NAALADL1: variants seen among roughly 807,000 people sequenced by gnomAD.
NAALADL1 encodes aminopeptidase NAALADL1.
Under a neutral mutation model 82.8 loss-of-function variants are expected in NAALADL1, and 77 were observed. The ratio of observed to expected loss-of-function variants is 0.93; its 90% CI spans 0.77 to 1.12. The LOEUF is 1.12. Ranked by LOEUF, NAALADL1 falls within the 50% of genes most tolerant of loss-of-function variation. The pLI is 0.00. For missense variants in NAALADL1, 956 were observed against 964.0 expected (o/e 0.99, Z 0.11); for synonymous variants, 358 against 399.2 (o/e 0.90, Z 1.23).
intron 4 of NAALADL1, 151 bp downstream of exon 4, chr11:65,057,220 C>T (rs769746974): frequency 3.9e-5 from 47 of 1,196,188 alleles, no homozygotes; most frequent in Non-Finnish European, 5.0e-5. Context: ...GGTGGGACAA[C>T]CCGAAAACAC....
intron 17 of NAALADL1, 104 bp downstream of exon 17, chr11:65,045,718 G>T (rs1044149694): frequency 1.7e-6 from 2 of 1,149,374 alleles, no homozygotes; most frequent in African/African-American, 3.1e-5. Context: ...TCAGGGGCTG[G>T]GTTGCACTCT....
chr11:65,044,975 G>A lies in NAALADL1; in HGVS notation c.*296C>T. On this transcript the variant is annotated 3_prime_UTR_variant, in exon 18 of 18. Transcript: ENST00000358658. The surrounding 1 kb of genome is among the most constrained non-coding windows in gnomAD (Gnocchi z 4.0). ...GTCCTTGGCCTTGATGACCTGAGTT[G>A]GCATCTGAGGTTGGCACGCATCCCA... 2 of 618,360 alleles carry A rather than the reference G, an allele frequency of 3.2e-6. No individual in the cohort carries two copies. The highest frequency in any genetic ancestry group is 5.6e-6 in the Non-Finnish European group (2 of 358,568). The allele number at this position is 618,360 out of a possible 1,614,324, so 38.3% of individuals were successfully genotyped here.
intron 11 of NAALADL1, 49 bp downstream of exon 11, chr11:65,047,932 C>T: frequency 2.0e-6 from 3 of 1,511,118 alleles, no homozygotes; most frequent in Non-Finnish European, 2.7e-6. Flanking sequence ...GTCCGCCGCA[C>T]GCGGCCCGCC....
chr11:65,049,217 G>C (rs530502732), intron 8 of NAALADL1, among the ~76,000 whole-genome samples: 88 of 152,204 alleles, frequency 5.8e-4, no homozygotes, highest in African/African-American at 2.0e-3. Context: ...GATGGGGTTT[G>C]TCCATGTTGC....
intron 4 of NAALADL1, among the ~76,000 whole-genome samples, chr11:65,056,129 C>A (rs1291700215): frequency 2.6e-5 from 4 of 152,068 alleles, no homozygotes; most frequent in South Asian, 2.1e-4. Flanking sequence ...AGGTAATCCA[C>A]CTGCCTTGGC....
chr11:65,045,435 T>C lies in NAALADL1; in HGVS notation c.2059A>G (p.Thr687Ala). 6.2e-7 allele frequency: 1 copy of C among 1,610,860 alleles called. No individual in the cohort carries two copies. Among genetic ancestry groups the C allele is most frequent in the South Asian group, 1.1e-5 (1 of 90,724 alleles). Residue 687 changes from threonine (T) to alanine (A), a missense_variant, in exon 18 of 18, where the codon ACG becomes GCG. By Grantham distance (58) the Thr-to-Ala change is moderately conservative. Coordinates refer to ENST00000358658, the MANE Select transcript of NAALADL1 (RefSeq NM_005468.3). ...CCCGGGAATGTGACTACGGAGCCCG[T>C]GCGAGGTGCCCAGAGCACATGGCTG... ...YYSHVLWAPR[T>A]GSVVTFPGLS...
At position 65,058,460 on chromosome 11, in the gene NAALADL1, A is replaced by T; in HGVS notation, c.62T>A (p.Ile21Asn). The change falls in exon 1 of 18, where the codon ATC (isoleucine) becomes AAC (asparagine). Residue 21 changes from isoleucine (I) to asparagine (N), a missense_variant. Transcript: ENST00000358658. ...GGGGATGGCAAAGTGGCCGAGGATG[A>T]TCCCCAGCCCCAAGAGGGCAGCAGC... is the stretch of plus-strand genomic sequence containing the variant. ...LGAAALLGLG[I>N]ILGHFAIPKK... is the part of the protein sequence containing the mutation. 6.2e-7 allele frequency: 1 copy of T among 1,613,712 alleles called. No individual in the cohort carries two copies. Among genetic ancestry groups the T allele is most frequent in the South Asian group, 1.1e-5 (1 of 91,044 alleles).
Position 65,046,183 on chromosome 11 carries a change from G to A in NAALADL1, c.1855+6C>T. The A allele has an allele frequency of 6.2e-7, 1 of 1,614,108 alleles. No individual in the cohort carries two copies. Among genetic ancestry groups the A allele is most frequent in the East Asian group, 2.2e-5 (1 of 44,886 alleles). On this transcript the variant is annotated splice_donor_region_variant and intron_variant, in intron 15 of 17. Transcript: ENST00000358658. ...CCCCATACCTCAGGGTCAGGGCTGT[G>A]CATACCCAGGCTGATGCTGTGCTGC...
rs1350242232 is a variant in NAALADL1, at chr11:65,046,121, G to A, written c.1856-7C>T. 6.2e-7 allele frequency: 1 copy of A among 1,614,158 alleles called. No individual in the cohort carries two copies. Among genetic ancestry groups the A allele is most frequent in the Non-Finnish European group, 8.5e-7 (1 of 1,180,038 alleles). On this transcript the variant is annotated splice_region_variant and splice_polypyrimidine_tract_variant and intron_variant, in intron 15 of 17. Transcript: ENST00000358658. The stretch of plus-strand genomic sequence containing the variant: ...ACTGCAGTCACCAGAGGCCCTGTGA[G>A]GAACAAGCAGTGGCTCAGTCATGGG...
chr11:65,058,295 G>A lies in NAALADL1; in HGVS notation c.185+42C>T, dbSNP rs1947104444. ...AGGGGCAGGGCCAGCATCAGGGAGGGGGCCTCTGGCAAACGGAGGAGCAGA... is the reference window on the plus strand; with the variant it reads ...AGGGGCAGGGCCAGCATCAGGGAGGAGGCCTCTGGCAAACGGAGGAGCAGA... On this transcript the variant is annotated intron_variant, in intron 1 of 17. Transcript: ENST00000358658. 5 of 1,613,908 alleles carry A rather than the reference G, an allele frequency of 3.1e-6. No homozygotes were observed. The East Asian group carries it at 1.1e-4, about 36-fold the overall frequency.
chr11:65,050,072 TAC>T (rs1946845302), intron 8 of NAALADL1, among the ~76,000 whole-genome samples: 1 of 151,398 alleles, frequency 6.6e-6, no homozygotes. Context: ...GATGGGGTTT[TAC>T]CACGTTGGCC....
chr11:65,047,989 T>C lies in NAALADL1; in HGVS notation c.1408A>G (p.Thr470Ala). The C allele has an allele frequency of 1.3e-6, 2 of 1,572,086 alleles. 1 individual carries two copies. The highest frequency in any genetic ancestry group is 3.4e-4 in the Middle Eastern group (2 of 5,818). Residue 470 changes from threonine (T) to alanine (A), a missense_variant, in exon 11 of 18, where the codon ACC (threonine) becomes GCC (alanine). Transcript: ENST00000358658. Reference protein sequence around the residue: ...PPVQSVVFSATKEIRSPGPGD... With the variant: ...PPVQSVVFSAAKEIRSPGPGD... Reference sequence around the variant, plus strand: ...GGCCTGCCCCCTTCCACCTCTTTGGTTGCAGAGAAGACGACGCTCTGGACA... The same window carrying C: ...GGCCTGCCCCCTTCCACCTCTTTGGCTGCAGAGAAGACGACGCTCTGGACA...
Position 65,047,533 on chromosome 11 carries a change from G to A in NAALADL1, c.1541C>T (p.Ala514Val), listed in dbSNP as rs761550788. 14 of 1,571,924 alleles carry A rather than the reference G, an allele frequency of 8.9e-6. No individual in the cohort carries two copies. The highest frequency in any genetic ancestry group is 1.2e-5 in the Non-Finnish European group (14 of 1,158,582). The change falls in exon 13 of 18, where the codon GCA (alanine) becomes GTA (valine). Residue 514 changes from alanine to valine, a missense_variant. Transcript: ENST00000358658. ...LGSLGAGSDY[A>V]PFVHFLGISS... ...GATGCCCAGGAAGTGAACGAAGGGTGCATAGTCGCTGCCAGCACCCAGAGA... is the reference window on the plus strand; with the variant it reads ...GATGCCCAGGAAGTGAACGAAGGGTACATAGTCGCTGCCAGCACCCAGAGA...
chr11:65,050,659 G>A (rs908126555), intron 8 of NAALADL1, among the ~76,000 whole-genome samples: 1 of 151,728 alleles, frequency 6.6e-6, no homozygotes, highest in Non-Finnish European at 1.5e-5. Flanking sequence ...GCGTGGTGGC[G>A]CATGCCTGTA....
In NAALADL1 at chr11:65,054,735, C is replaced by T; in HGVS notation, c.607G>A (p.Val203Met). The change falls in exon 5 of 18, where the codon GTG becomes ATG. Residue 203 changes from valine to methionine, a missense_variant. Physicochemically the swap from Val to Met is conservative, Grantham distance 21. Transcript: ENST00000358658. This position sits in a 1 kb window ranked among gnomAD's most constrained non-coding sequence, Gnocchi z 4.3. ...YGGVGRGAKAVNAAKHGVAGV... is the reference protein window; with the variant it reads ...YGGVGRGAKAMNAAKHGVAGV... The stretch of plus-strand genomic sequence containing the variant: ...GCTACCCCGTGCTTGGCAGCGTTCA[C>T]AGCCTGCAGTGGGCAGAGGAGGCTG... The T allele has an allele frequency of 1.2e-6, 2 of 1,613,078 alleles. No homozygotes were observed. Among genetic ancestry groups the T allele is most frequent in the Non-Finnish European group, 1.7e-6 (2 of 1,179,516 alleles).
rs781528074 is a variant in NAALADL1 at position 65,057,982 on chromosome 11, C to A, written c.373G>T (p.Gly125Cys). The A allele has an allele frequency of 6.2e-7, 1 of 1,614,154 alleles. No individual in the cohort carries two copies. Among genetic ancestry groups the A allele is most frequent in the Middle Eastern group, 1.6e-4 (1 of 6,062 alleles). The change falls in exon 3 of 18, where the codon GGC becomes TGC. Residue 125 changes from glycine (G) to cysteine (C), a missense_variant. Coordinates refer to ENST00000358658, the MANE Select transcript of NAALADL1 (RefSeq NM_005468.3). ...NVVDIVGPTGGIIHSCHRTEE... is the reference protein window; with the variant it reads ...NVVDIVGPTGCIIHSCHRTEE... ...GTCCGGTGGCAGGAGTGGATGATGC[C>A]CCCAGTGGGGCCCACTGTTGGAGGG...
intron 17 of NAALADL1, 53 bp from the exon 18 acceptor site, chr11:65,045,510 G>A: frequency 1.3e-6 from 2 of 1,513,604 alleles, no homozygotes; most frequent in South Asian, 1.3e-5. Flanking sequence ...GGCCAGGAAA[G>A]AGAAGCCTGG....
chr11:65,047,929 G>A, intron 11 of NAALADL1, 52 bp downstream of exon 11: 7 of 314,124 alleles, frequency 2.2e-5, no homozygotes, highest in Non-Finnish European at 3.7e-5. Context: ...CCCGTCCGCC[G>A]CACGCGGCCC....
Position 65,051,148 on chromosome 11 carries a change from C to T in NAALADL1, c.1198+2070G>A, listed in dbSNP as rs190166800. 3.1e-3 allele frequency among the ~76,000 whole-genome samples: 464 copies of T among 152,060 alleles called. 3 individuals are homozygous for T. Among genetic ancestry groups the T allele is most frequent in the Non-Finnish European group, 5.4e-3 (364 of 67,986 alleles). ...AAACAAAAAAATATGGGAATTTCTG[C>T]GCTACCCATAAGGGTAAAGTCGAAA... is the stretch of plus-strand genomic sequence containing the variant. On this transcript the variant is annotated intron_variant, in intron 8 of 17. Coordinates refer to ENST00000358658, the MANE Select transcript of NAALADL1 (RefSeq NM_005468.3).
Sources: allele counts gnomAD v4.1 joint callset (sites outside exome capture counted in the v4.1 genomes callset), GRCh38; gene constraint gnomAD v4.1.1; non-coding constraint Gnocchi (gnomAD v3.1); transcripts MANE v1.5; gene names NCBI Gene and HGNC (gene_info 2026-07-23, HGNC 2026-07-21).